Variants in ANAPC1 observed in about 807,000 individuals in gnomAD.
ANAPC1 encodes anaphase promoting complex subunit 1.
Under a neutral mutation model 208.0 loss-of-function variants are expected in ANAPC1, and 36 were observed. The observed-to-expected ratio is 0.17, with a 90% CI of 0.13 to 0.23. The LOEUF is 0.23. ANAPC1 is among the 10% of genes least tolerant of loss of function. The probability of loss-of-function intolerance (pLI) is 1.00; values close to 1 mark genes in which losing one functional copy is unlikely to be tolerated. For synonymous variants in ANAPC1, 378 were observed against 695.2 expected, an observed-to-expected ratio of 0.54 and a Z score of 7.18; for missense variants, 942 against 2,011.6, an observed-to-expected ratio of 0.47 and a Z score of 10.17.
intron 24 of ANAPC1, among the ~76,000 whole-genome samples, chr2:111,824,582 C>G (rs1218751678): frequency 6.6e-6 from 1 of 152,092 alleles, no homozygotes; most frequent in African/African-American, 2.4e-5. Flanking sequence ...AAAGTATACC[C>G]TGAAATGTTT....
intron 24 of ANAPC1, 61 bp downstream of exon 24, chr2:111,824,905 C>G: frequency 6.3e-7 from 1 of 1,587,092 alleles, no homozygotes; most frequent in East Asian, 2.2e-5. Flanking sequence ...CTCATGCCTT[C>G]CACTTCTAGC....
rs138391709 is a variant in ANAPC1 at position 111,824,817 on chromosome 2, G to A, written c.2812+149C>T. On this transcript the variant is annotated intron_variant, in intron 24 of 47. Coordinates refer to ENST00000341068, the MANE Select transcript of ANAPC1 (RefSeq NM_022662.4). ...ATTATATGAAAGTTGTGAGATTGTC[G>A]AGAAAAAAAGAATATGGCTTGATGA... is the stretch of plus-strand genomic sequence containing the variant. 1,838 of 831,754 alleles carry A rather than the reference G, an allele frequency of 2.2e-3. 37 individuals are homozygous for A. The African/African-American group carries it at 0.028, about 13-fold the overall frequency. 51.5% of individuals were successfully genotyped at this position (831,754 alleles called of 1,614,324 possible). A position where few individuals can be genotyped will look rare whatever the true frequency, so the allele number is the denominator to read the frequency against.
intron 21 of ANAPC1, among the ~76,000 whole-genome samples, chr2:111,828,743 G>C (rs1679969842): frequency 6.6e-6 from 1 of 152,196 alleles, no homozygotes; most frequent in Non-Finnish European, 1.5e-5. Context: ...ACTTACAAGA[G>C]ACAAATTCAT....
chr2:111,877,334 A>G (rs1456840515), intron 3 of ANAPC1, among the ~76,000 whole-genome samples: 2 of 152,214 alleles, frequency 1.3e-5, no homozygotes, highest in East Asian at 3.9e-4. Context: ...GTCTCTTTCA[A>G]TGTAGAACAG....
chr2:111,873,137 T>C, intron 5 of ANAPC1, 171 bp downstream of exon 5: 1 of 697,176 alleles, frequency 1.4e-6, no homozygotes, highest in Admixed American at 3.5e-5. Context: ...TATTTTCTTG[T>C]GAAGTACAGA....
chr2:111,775,598 G>A (rs1676963421), intron 46 of ANAPC1, among the ~76,000 whole-genome samples: 1 of 152,120 alleles, frequency 6.6e-6, no homozygotes. Flanking sequence ...ATTCAATGGA[G>A]GCTGACAGCA....
intron 13 of ANAPC1, among the ~76,000 whole-genome samples, chr2:111,854,487 G>C (rs1039734621): frequency 6.6e-6 from 1 of 152,152 alleles, no homozygotes; most frequent in Non-Finnish European, 1.5e-5. Context: ...TTTGAAGCCA[G>C]GCACTGACTT....
Position 111,825,045 on chromosome 2 carries a change from G to A in ANAPC1, c.2742-9C>T. The A allele has an allele frequency of 1.2e-6, 2 of 1,613,788 alleles. No homozygotes were observed. Among genetic ancestry groups the A allele is most frequent in the Non-Finnish European group, 8.5e-7 (1 of 1,179,846 alleles). Reference sequence around the variant, plus strand: ...AATGCCTGAAACTAAACCTATAAGAGAATAAAACATAAAGTTATTAAGCAG... The same window carrying A: ...AATGCCTGAAACTAAACCTATAAGAAAATAAAACATAAAGTTATTAAGCAG... On this transcript the variant is annotated splice_polypyrimidine_tract_variant and intron_variant, in intron 23 of 47. Transcript: ENST00000341068.
At chr2:111,820,846 TAA>T (rs1679492217) in intron 26 of ANAPC1, among the ~76,000 whole-genome samples, 1 of 152,016 alleles carries the variant, frequency 6.6e-6, no homozygotes, top group South Asian at 2.1e-4. Context: ...TAAACTACAC[TAA>T]AAACCCCACT....
chr2:111,796,544 T>G (rs1678177073), intron 34 of ANAPC1, among the ~76,000 whole-genome samples: 1 of 146,156 alleles, frequency 6.8e-6, no homozygotes, highest in South Asian at 2.2e-4. Flanking sequence ...ATGCCCAGGC[T>G]GGTGTTGAAC....
At position 111,866,848 on chromosome 2, in the gene ANAPC1, GTA is replaced by G. The variant is rs577722424; in HGVS notation, c.685+1173_685+1174del. 2.1e-3 allele frequency among the ~76,000 whole-genome samples: 305 copies of G among 148,266 alleles called. 5 individuals carry two copies. Among genetic ancestry groups the G allele is most frequent in the African/African-American group, 7.4e-3 (296 of 40,086 alleles). ...GCGTGCCATTTAATCCCAGGCTCTA[GTA>G]TGTTTATTCGGGTTGTCTGCAATTA... On this transcript the variant is annotated intron_variant, in intron 7 of 47. Coordinates refer to ENST00000341068, the MANE Select transcript of ANAPC1 (RefSeq NM_022662.4).
At chr2:111,869,801 T>C (rs1449317462) in intron 6 of ANAPC1, among the ~76,000 whole-genome samples, 1 of 152,212 alleles carries the variant, frequency 6.6e-6, no homozygotes, top group Non-Finnish European at 1.5e-5. Context: ...GAGATTTTAG[T>C]GCACCTGTCA....
intron 21 of ANAPC1, among the ~76,000 whole-genome samples, chr2:111,827,110 T>C (rs1303172214): frequency 1.3e-5 from 2 of 152,170 alleles, no homozygotes; most frequent in South Asian, 2.1e-4. Context: ...AGAGTTTCGA[T>C]TGCTCCATAT....
At chr2:111,781,924 T>C (rs1428271363) in intron 43 of ANAPC1, among the ~76,000 whole-genome samples, 1 of 152,302 alleles carries the variant, frequency 6.6e-6, no homozygotes, top group Non-Finnish European at 1.5e-5. Flanking sequence ...AAAAGAAGTC[T>C]GAATCTGTCA....
At chr2:111,856,195 A>C (rs2104537755) in intron 13 of ANAPC1, among the ~76,000 whole-genome samples, 1 of 152,370 alleles carries the variant, frequency 6.6e-6, no homozygotes, top group African/African-American at 2.4e-5. Context: ...AGATCGTGCC[A>C]TTGCACTCCA....
At chr2:111,810,306 G>C (rs1001937255) in intron 28 of ANAPC1, among the ~76,000 whole-genome samples, 26 of 145,230 alleles carry the variant, frequency 1.8e-4, no homozygotes, top group African/African-American at 5.6e-4. Flanking sequence ...TGAAGGTGGG[G>C]GGGGGTGAGG....
chr2:111,868,714 G>C (rs1166829818), intron 6 of ANAPC1, among the ~76,000 whole-genome samples: 2 of 152,078 alleles, frequency 1.3e-5, no homozygotes, highest in East Asian at 3.9e-4. Context: ...TGTATTTTTA[G>C]TAGAGACGGG....
At position 111,794,716 on chromosome 2, in the gene ANAPC1, A is replaced by G. The variant is rs1300367531; in HGVS notation, c.4373+102T>C. 6 of 1,323,190 alleles carry G rather than the reference A, an allele frequency of 4.5e-6. No individual in the cohort carries two copies. In the African/African-American group the frequency reaches 7.3e-5, roughly 16 times the overall value. The allele number at this position is 1,323,190 out of a possible 1,614,324, so 82.0% of individuals were successfully genotyped here. On this transcript the variant is annotated intron_variant, in intron 35 of 47. Coordinates refer to ENST00000341068, the MANE Select transcript of ANAPC1 (RefSeq NM_022662.4). Reference sequence around the variant, plus strand: ...TAATGGTTAGAAATATGTGGGATTCATAATTACTTAAATCAAGGACAATAT... The same window carrying G: ...TAATGGTTAGAAATATGTGGGATTCGTAATTACTTAAATCAAGGACAATAT...
chr2:111,874,291 ATT>A (rs1459136648), intron 3 of ANAPC1, among the ~76,000 whole-genome samples: 2 of 152,214 alleles, frequency 1.3e-5, no homozygotes, highest in Non-Finnish European at 1.5e-5. Context: ...CATTTTAACA[ATT>A]TTTAAGTAGA....
Sources: gnomAD v4.1 joint callset for allele counts (sites outside exome capture counted in the v4.1 genomes callset) on GRCh38, gnomAD v4.1.1 for gene constraint, MANE v1.5 for transcripts, NCBI Gene and HGNC (gene_info 2026-07-23, HGNC 2026-07-21) for gene names.